The following ZMAT4 variants were observed in gnomAD, a reference collection of about 807,000 sequenced individuals.
ZMAT4 encodes zinc finger matrin-type protein 4.
A neutral mutation model predicts 28.7 loss-of-function variants in ZMAT4; 17 were observed. The observed-to-expected ratio is 0.59, with a 90% CI of 0.41 to 0.89. ZMAT4 has a LOEUF of 0.89. ZMAT4 is among the 40% of genes least tolerant of loss of function. The pLI, the probability that ZMAT4 is intolerant of heterozygous loss-of-function variation, is 0.00. For missense variants in ZMAT4, 240 were observed against 283.8 expected (o/e 0.85, Z 1.11); for synonymous variants, 117 against 109.2 (o/e 1.07, Z -0.44).
chr8:40,695,540 A>G (rs1051054134), intron 4 of ZMAT4, among the ~76,000 whole-genome samples: 1 of 152,228 alleles, frequency 6.6e-6, no homozygotes, highest in East Asian at 1.9e-4. Flanking sequence ...TGGTTTCTGC[A>G]ACAGGGAGGG....
At chr8:40,728,771 G>C (rs1385014022) in intron 3 of ZMAT4, among the ~76,000 whole-genome samples, 5 of 152,160 alleles carry the variant, frequency 3.3e-5, no homozygotes, top group Non-Finnish European at 7.3e-5. Context: ...TTACACCTGT[G>C]TAATAACCAT....
intron 1 of ZMAT4, among the ~76,000 whole-genome samples, chr8:40,839,610 A>G (rs1816624943): frequency 6.6e-6 from 1 of 152,372 alleles, no homozygotes; most frequent in South Asian, 2.1e-4. Context: ...GTGGTTTACC[A>G]TAGAATACTA....
At chr8:40,537,906 C>T (rs1802898475) in intron 6 of ZMAT4, among the ~76,000 whole-genome samples, 1 of 152,156 alleles carries the variant, frequency 6.6e-6, no homozygotes. Flanking sequence ...GTTCTGGCTA[C>T]AGCTGAGGCA....
chr8:40,836,805 T>A (rs932015643), intron 1 of ZMAT4, among the ~76,000 whole-genome samples: 1 of 152,220 alleles, frequency 6.6e-6, no homozygotes, highest in African/African-American at 2.4e-5. Context: ...TGGACAGATG[T>A]AAGCGGTTGC....
At chr8:40,582,017 A>G (rs551466559) in intron 5 of ZMAT4, among the ~76,000 whole-genome samples, 36 of 152,330 alleles carry the variant, frequency 2.4e-4, no homozygotes, top group Middle Eastern at 3.4e-3. Context: ...CCATAATGAA[A>G]CATATTCCTT....
chr8:40,795,990 T>A (rs1238049938), intron 2 of ZMAT4, among the ~76,000 whole-genome samples: 1 of 152,194 alleles, frequency 6.6e-6, no homozygotes, highest in Non-Finnish European at 1.5e-5. Flanking sequence ...TTCTTCTCAC[T>A]CAGAGTCTTC....
chr8:40,784,746 C>T (rs771513420), intron 2 of ZMAT4, among the ~76,000 whole-genome samples: 4 of 152,166 alleles, frequency 2.6e-5, no homozygotes, highest in African/African-American at 4.8e-5. Flanking sequence ...CCCCTGCTCC[C>T]GGGGTTTGAC....
rs59385780 is a variant in ZMAT4, at chr8:40,601,459, AGG to A, written c.578-20200_578-20199del. On this transcript the variant is annotated intron_variant, in intron 5 of 6. Transcript: ENST00000297737. ...AAGGAAGGAAGGAAGGAAGGAAGGG[AGG>A]AAGAAAGGAAAGAAAGAAAGAAAGA... is the stretch of plus-strand genomic sequence containing the variant. Among the ~76,000 whole-genome samples the A allele has an allele frequency of 8.2e-3, 732 of 89,406 alleles. 5 individuals carry two copies. Among genetic ancestry groups the A allele is most frequent in the Middle Eastern group, 0.016 (3 of 190 alleles). The allele number at this position is 89,406 out of a possible 152,430, so 58.7% of individuals were successfully genotyped here.
intron 6 of ZMAT4, among the ~76,000 whole-genome samples, chr8:40,572,658 T>C (rs79411363): frequency 0.04 from 6,132 of 152,238 alleles, 146 homozygotes; most frequent in South Asian, 0.057. Flanking sequence ...ATTGACAAAC[T>C]ATATCCCCTG....
chr8:40,638,578 C>T (rs1012946878), intron 5 of ZMAT4, among the ~76,000 whole-genome samples: 4 of 152,142 alleles, frequency 2.6e-5, no homozygotes, highest in African/African-American at 9.7e-5. Context: ...TCAATGGCAA[C>T]CAAGAAGACA....
chr8:40,658,635 C>T (rs372984790), intron 5 of ZMAT4, among the ~76,000 whole-genome samples: 69,349 of 149,754 alleles, frequency 0.46, 17,257 homozygotes, highest in Non-Finnish European at 0.57. Flanking sequence ...CACACACACA[C>T]ACACACACAC....
intron 2 of ZMAT4, among the ~76,000 whole-genome samples, chr8:40,789,102 G>T (rs1036018878): frequency 2.0e-5 from 3 of 151,052 alleles, no homozygotes; most frequent in African/African-American, 7.3e-5. Flanking sequence ...AGAGAGGGAA[G>T]GCGAAGAAGG....
At chr8:40,637,145 C>T (rs1449546409) in intron 5 of ZMAT4, among the ~76,000 whole-genome samples, 1 of 151,616 alleles carries the variant, frequency 6.6e-6, no homozygotes, top group Non-Finnish European at 1.5e-5. Flanking sequence ...CACAGAAGTC[C>T]TGAAATGTCT....
chr8:40,742,555 G>T (rs1484859299), intron 3 of ZMAT4, among the ~76,000 whole-genome samples: 2 of 152,090 alleles, frequency 1.3e-5, no homozygotes, highest in East Asian at 1.9e-4. Context: ...CAGTGTTGAA[G>T]GACTGAGATG....
At chr8:40,663,849 C>T (rs1271012645) in intron 5 of ZMAT4, among the ~76,000 whole-genome samples, 3 of 152,122 alleles carry the variant, frequency 2.0e-5, no homozygotes, top group African/African-American at 7.2e-5. Flanking sequence ...TAACTAGATA[C>T]AATACATACA....
chr8:40,557,611 G>A (rs1803588706), intron 6 of ZMAT4, among the ~76,000 whole-genome samples: 2 of 152,278 alleles, frequency 1.3e-5, no homozygotes, highest in African/African-American at 4.8e-5. Flanking sequence ...GAGGTTGGTA[G>A]CCCCTCTTTT....
intron 1 of ZMAT4, among the ~76,000 whole-genome samples, chr8:40,881,497 A>G (rs565842125): frequency 1.3e-4 from 18 of 136,646 alleles, no homozygotes; most frequent in African/African-American, 3.6e-4. Flanking sequence ...GAAAGAAAGA[A>G]AGAGGAAGGA....
intron 3 of ZMAT4, among the ~76,000 whole-genome samples, chr8:40,713,688 C>T (rs1265773551): frequency 6.6e-6 from 1 of 151,732 alleles, no homozygotes; most frequent in South Asian, 2.1e-4. Context: ...GCAGGTAGAT[C>T]ACTTGCAGTC....
intron 6 of ZMAT4, among the ~76,000 whole-genome samples, chr8:40,557,402 C>T (rs187083443): frequency 1.1e-3 from 160 of 152,294 alleles, no homozygotes; most frequent in Admixed American, 2.4e-3. Context: ...TATGTCTTTC[C>T]TCTCTGCATT....
Sources: gnomAD v4.1 joint callset for allele counts (sites outside exome capture counted in the v4.1 genomes callset) on GRCh38, gnomAD v4.1.1 for gene constraint, MANE v1.5 for transcripts, NCBI Gene and HGNC (gene_info 2026-07-23, HGNC 2026-07-21) for gene names.